Variants in AMPH observed in about 807,000 individuals in gnomAD.
AMPH encodes amphiphysin (Stiff-Mann syndrome with breast cancer 128kD autoantigen).
Under a neutral mutation model 99.1 loss-of-function variants are expected in AMPH, and 49 were observed. That is an observed-to-expected ratio of 0.49 (90% CI 0.39 to 0.63). The LOEUF (loss-of-function observed/expected upper bound fraction) is 0.63, where lower values mean the gene tolerates loss of function less well. Among genes scored for constraint, AMPH ranks in the 20% least tolerant of loss-of-function variants. The probability of loss-of-function intolerance (pLI) is 0.00; values close to 1 mark genes in which losing one functional copy is unlikely to be tolerated. For missense variants in AMPH, 759 were observed against 863.4 expected (o/e 0.88, Z 1.52); for synonymous variants, 314 against 317.3 (o/e 0.99, Z 0.11).
At chr7:38,470,862 C>T (rs761792313) in intron 7 of AMPH, among the ~76,000 whole-genome samples, 7 of 152,182 alleles carry the variant, frequency 4.6e-5, no homozygotes, top group Non-Finnish European at 7.3e-5. Context: ...GACAACTTCC[C>T]TAAACATCCA....
chr7:38,491,222 C>T, intron 4 of AMPH, 77 bp from the exon 5 acceptor site: 1 of 992,814 alleles, frequency 1.0e-6, no homozygotes, highest in East Asian at 2.5e-5. Context: ...AAATCTGAAA[C>T]TATAAAATTA....
At chr7:38,575,812 C>T (rs745600367) in intron 1 of AMPH, among the ~76,000 whole-genome samples, 21 of 152,288 alleles carry the variant, frequency 1.4e-4, no homozygotes, top group African/African-American at 1.9e-4. Context: ...CTCCACCTCT[C>T]GATCGCTGCC....
At chr7:38,507,669 G>A (rs1364570800) in intron 2 of AMPH, among the ~76,000 whole-genome samples, 4 of 152,148 alleles carry the variant, frequency 2.6e-5, no homozygotes, top group African/African-American at 4.8e-5. Flanking sequence ...TAATTCAGCC[G>A]TGAATTATGT....
At chr7:38,562,611 G>C (rs1252694150) in intron 1 of AMPH, among the ~76,000 whole-genome samples, 1 of 151,122 alleles carries the variant, frequency 6.6e-6, no homozygotes, top group African/African-American at 2.4e-5. Context: ...GCAATATTGG[G>C]ATTGTAACAA....
chr7:38,463,161 T>C, intron 9 of AMPH, 48 bp from the exon 10 acceptor site: 1 of 1,613,272 alleles, frequency 6.2e-7, no homozygotes, highest in African/African-American at 1.3e-5. Flanking sequence ...AAGAACAGTA[T>C]TCATCTAATC....
intron 15 of AMPH, among the ~76,000 whole-genome samples, chr7:38,426,639 G>C (rs112953896): frequency 6.6e-6 from 1 of 152,182 alleles, no homozygotes; most frequent in African/African-American, 2.4e-5. Context: ...TTCTAGTAGA[G>C]GAATCGGTAG....
intron 16 of AMPH, among the ~76,000 whole-genome samples, chr7:38,418,934 T>C (rs1427917707): frequency 1.1e-4 from 16 of 152,062 alleles, no homozygotes; most frequent in Admixed American, 1.0e-3. Flanking sequence ...CCACAGCCAA[T>C]GCATGTTACT....
At chr7:38,424,489 G>GA (rs553552814) in intron 15 of AMPH, among the ~76,000 whole-genome samples, 1 of 152,032 alleles carries the variant, frequency 6.6e-6, no homozygotes, top group South Asian at 2.1e-4. Context: ...ATTGGAAATT[G>GA]AAAAAATTAT....
chr7:38,562,108 T>C (rs1791575914), intron 1 of AMPH, among the ~76,000 whole-genome samples: 1 of 151,046 alleles, frequency 6.6e-6, no homozygotes, highest in Non-Finnish European at 1.5e-5. Context: ...AAGAAAAAAG[T>C]CATTTCATGG....
chr7:38,445,702 C>T lies in AMPH; in HGVS notation c.1018-9314G>A, dbSNP rs186509041. 4.1e-4 allele frequency among the ~76,000 whole-genome samples: 62 copies of T among 151,960 alleles called. 2 individuals are homozygous for T. The highest frequency in any genetic ancestry group is 4.1e-3 in the Admixed American group (62 of 15,268). ...ATGCAAATTAAATCAAAATGAAATA[C>T]CACTATCACTTACTAGAATAGCTAA... On this transcript the variant is annotated intron_variant, in intron 11 of 20. Transcript: ENST00000356264.
chr7:38,571,123 A>G (rs1363412103), intron 1 of AMPH, among the ~76,000 whole-genome samples: 1 of 79,200 alleles, frequency 1.3e-5, no homozygotes, highest in Non-Finnish European at 2.2e-5. Flanking sequence ...TACAGTATAT[A>G]TGAATATATA....
intron 4 of AMPH, among the ~76,000 whole-genome samples, chr7:38,493,798 C>T (rs10249106): frequency 6.6e-6 from 1 of 151,950 alleles, no homozygotes; most frequent in Admixed American, 6.6e-5. Flanking sequence ...TTGAGATGAA[C>T]GGGTGAAGTT....
At chr7:38,571,894 C>T (rs1792056269) in intron 1 of AMPH, among the ~76,000 whole-genome samples, 1 of 142,044 alleles carries the variant, frequency 7.0e-6, no homozygotes, top group Non-Finnish European at 1.5e-5. Context: ...GATAAGTACC[C>T]TATACACGTT....
intron 2 of AMPH, among the ~76,000 whole-genome samples, chr7:38,521,641 CT>C (rs1056207433): frequency 2.6e-5 from 4 of 151,272 alleles, no homozygotes; most frequent in East Asian, 3.9e-4. Context: ...TGCATCATCT[CT>C]TTTTTTTTAA....
intron 1 of AMPH, among the ~76,000 whole-genome samples, chr7:38,537,708 T>C (rs1017898437): frequency 4.6e-5 from 7 of 152,236 alleles, no homozygotes; most frequent in Admixed American, 2.0e-4. Context: ...AAAGTGATGT[T>C]GCTGCCAAAG....
At chr7:38,500,956 A>G (rs1190975280) in intron 3 of AMPH, among the ~76,000 whole-genome samples, 1 of 152,208 alleles carries the variant, frequency 6.6e-6, no homozygotes, top group Admixed American at 6.5e-5. Flanking sequence ...TCTAACACAT[A>G]GTAAGTGCTC....
chr7:38,552,363 C>T (rs776222816), intron 1 of AMPH, among the ~76,000 whole-genome samples: 1 of 152,186 alleles, frequency 6.6e-6, no homozygotes, highest in Non-Finnish European at 1.5e-5. Flanking sequence ...TGGATGAGCA[C>T]CAGAACTGCT....
chr7:38,445,010 T>TATATATATATACACACAC (rs1458295332), intron 11 of AMPH, among the ~76,000 whole-genome samples: 2 of 125,984 alleles, frequency 1.6e-5, no homozygotes, highest in East Asian at 2.8e-4. Flanking sequence ...TATATATATA[T>TATATATATATACACACAC]ACACACACAC....
chr7:38,519,719 T>C (rs1380483107), intron 2 of AMPH, among the ~76,000 whole-genome samples: 2 of 152,242 alleles, frequency 1.3e-5, no homozygotes, highest in Non-Finnish European at 2.9e-5. Flanking sequence ...CTCTAGTCTC[T>C]GTAGTCCAGG....
Sources: gnomAD v4.1 joint callset for allele counts (sites outside exome capture counted in the v4.1 genomes callset) on GRCh38, gnomAD v4.1.1 for gene constraint, MANE v1.5 for transcripts, NCBI Gene and HGNC (gene_info 2026-07-23, HGNC 2026-07-21) for gene names.